The following AMOTL1 variants were observed in gnomAD, a reference collection of about 807,000 sequenced individuals.
The protein encoded by AMOTL1 is angiomotin-like protein 1.
AMOTL1 carries 45 observed loss-of-function variants against 102.9 expected under a neutral mutation model. That is an observed-to-expected ratio of 0.44 (90% CI 0.34 to 0.56). The LOEUF (loss-of-function observed/expected upper bound fraction) is 0.56, where lower values mean the gene tolerates loss of function less well. AMOTL1 is among the 20% of genes least tolerant of loss of function. The pLI is 0.01. For missense variants in AMOTL1, 1,114 were observed against 1,225.6 expected, an observed-to-expected ratio of 0.91 and a Z score of 1.36; for synonymous variants, 481 against 484.7, an observed-to-expected ratio of 0.99 and a Z score of 0.10.
intron 3 of AMOTL1, among the ~76,000 whole-genome samples, chr11:94,818,428 G>A (rs1012473122): frequency 6.6e-6 from 1 of 152,186 alleles, no homozygotes; most frequent in Admixed American, 6.5e-5. Context: ...AGTCTAATCT[G>A]AGTTTCCTTG....
At chr11:94,754,832 A>G (rs901117570) in intron 3 of AMOTL1, among the ~76,000 whole-genome samples, 1 of 152,226 alleles carries the variant, frequency 6.6e-6, no homozygotes, top group Non-Finnish European at 1.5e-5. Context: ...TAGTATAAGT[A>G]TGTCCACTAC....
intron 11 of AMOTL1, chr11:94,866,685 C>T (rs1181601494): frequency 1.8e-5 from 3 of 164,720 alleles, no homozygotes; most frequent in African/African-American, 7.4e-5. Context: ...AGAGTGTCTG[C>T]CTGCTTTACC....
At position 94,821,721 on chromosome 11, in the gene AMOTL1, T is replaced by C; in HGVS notation, c.1313T>C (p.Val438Ala). The change falls in exon 4 of 13, where the codon GTG becomes GCG. Residue 438 changes from valine (V) to alanine (A), a missense_variant. Physicochemically the swap from Val to Ala is moderately conservative, Grantham distance 64. Transcript: ENST00000433060. ...QQLGPDAFAIVERAQQMVEIL... is the reference protein window; with the variant it reads ...QQLGPDAFAIAERAQQMVEIL... ...CTTGGTCCAGATGCCTTTGCGATTG[T>C]GGAGCGAGCCCAGCAAATGGTGGAG... 1 of 1,614,026 alleles carries C rather than the reference T, an allele frequency of 6.2e-7. No homozygotes were observed. The highest frequency in any genetic ancestry group is 8.5e-7 in the Non-Finnish European group (1 of 1,179,892).
At chr11:94,837,334 AG>A (rs1156645368) in intron 6 of AMOTL1, among the ~76,000 whole-genome samples, 1 of 152,242 alleles carries the variant, frequency 6.6e-6, no homozygotes, top group African/African-American at 2.4e-5. Flanking sequence ...AACCAGTGAC[AG>A]GAAATGTGAA....
chr11:94,744,915 C>A (rs1950572602), intron 3 of AMOTL1, among the ~76,000 whole-genome samples: 1 of 152,066 alleles, frequency 6.6e-6, no homozygotes, highest in African/African-American at 2.4e-5. Flanking sequence ...AAAGATGACA[C>A]CTTAGCATTG....
At chr11:94,843,458 A>G (rs1363943848) in intron 6 of AMOTL1, among the ~76,000 whole-genome samples, 20 of 152,218 alleles carry the variant, frequency 1.3e-4, no homozygotes, top group Non-Finnish European at 2.9e-4. Flanking sequence ...TGTAGACAGT[A>G]AAGTAAATGA....
At chr11:94,840,525 C>T (rs72973820) in intron 6 of AMOTL1, among the ~76,000 whole-genome samples, 35,407 of 151,638 alleles carry the variant, frequency 0.23, 4,710 homozygotes, top group Admixed American at 0.42. Flanking sequence ...CACATTTCTT[C>T]ATCCCTGATC....
At chr11:94,731,076 A>C (rs1194171415) in intron 2 of AMOTL1, among the ~76,000 whole-genome samples, 1 of 152,178 alleles carries the variant, frequency 6.6e-6, no homozygotes, top group Non-Finnish European at 1.5e-5. Context: ...TCTATCTGCA[A>C]TCTTTGGGGC....
intron 4 of AMOTL1, 125 bp from the exon 5 acceptor site, chr11:94,829,925 C>T: frequency 1.1e-6 from 1 of 941,892 alleles, no homozygotes; most frequent in Non-Finnish European, 1.5e-6. Context: ...ACACATGAAA[C>T]TTGAGATGCA....
rs193121510 is a variant in AMOTL1, at chr11:94,777,485, C to T, written c.49+8925C>T. Among the ~76,000 whole-genome samples, 10 of 152,220 alleles carry T rather than the reference C, an allele frequency of 6.6e-5. 1 individual carries two copies. The highest frequency in any genetic ancestry group is 5.9e-4 in the Admixed American group (9 of 15,290). ...CCCAAATTCTAACATTTCTTACTTTCAAATTTCTCCAAAATAAATTCCAGG... is the reference window on the plus strand; with the variant it reads ...CCCAAATTCTAACATTTCTTACTTTTAAATTTCTCCAAAATAAATTCCAGG... On this transcript the variant is annotated intron_variant, in intron 1 of 12. Coordinates refer to ENST00000433060, the MANE Select transcript of AMOTL1 (RefSeq NM_130847.3).
chr11:94,864,329 A>G (rs757988786), intron 9 of AMOTL1, among the ~76,000 whole-genome samples: 1 of 152,212 alleles, frequency 6.6e-6, no homozygotes, highest in Non-Finnish European at 1.5e-5. Context: ...TTACATATTC[A>G]TAACATGCCA....
At chr11:94,727,758 A>G in intron 1 of AMOTL1, among the ~76,000 whole-genome samples, 1 of 152,132 alleles carries the variant, frequency 6.6e-6, no homozygotes, top group Non-Finnish European at 1.5e-5. Flanking sequence ...TCCCTTCCAA[A>G]ATTTTTGGGT....
intron 1 of AMOTL1, among the ~76,000 whole-genome samples, chr11:94,794,772 G>T (rs1951336123): frequency 6.6e-6 from 1 of 152,192 alleles, no homozygotes. Flanking sequence ...TAGAGCATTT[G>T]CGCCTTCACT....
chr11:94,834,829 G>A (rs1195772351), intron 6 of AMOTL1, among the ~76,000 whole-genome samples: 1 of 152,148 alleles, frequency 6.6e-6, no homozygotes, highest in East Asian at 1.9e-4. Context: ...CCAGTTAATG[G>A]AGGGAGGAGC....
At chr11:94,811,910 C>T (rs1783064898) in intron 3 of AMOTL1, among the ~76,000 whole-genome samples, 1 of 152,186 alleles carries the variant, frequency 6.6e-6, no homozygotes. Flanking sequence ...AACTTGCCTT[C>T]CCTGTTGGAA....
chr11:94,733,524 A>G (rs2135463698), intron 2 of AMOTL1, among the ~76,000 whole-genome samples: 1 of 152,308 alleles, frequency 6.6e-6, no homozygotes, highest in Non-Finnish European at 1.5e-5. Flanking sequence ...TCTTGGGAAA[A>G]CCACTTTTCT....
chr11:94,726,380 A>G (rs761908720), intron 1 of AMOTL1, among the ~76,000 whole-genome samples: 1 of 152,184 alleles, frequency 6.6e-6, no homozygotes, highest in Non-Finnish European at 1.5e-5. Flanking sequence ...ATCAACCAAT[A>G]TTTATGAAGT....
Position 94,795,043 on chromosome 11 carries a change from C to T in AMOTL1, c.82C>T (p.Pro28Ser). The T allele has an allele frequency of 1.2e-6, 2 of 1,613,648 alleles. No homozygotes were observed. The highest frequency in any genetic ancestry group is 1.7e-6 in the Non-Finnish European group (2 of 1,179,798). ...TTCTGCTTGTTATAGCCCCAGTAGT[C>T]CTGTCCAGGTTCTAGAAGACTCCAC... is the stretch of plus-strand genomic sequence containing the variant. ...SPSACYSPSS[P>S]VQVLEDSTYF... Residue 28 changes from proline to serine, a missense_variant, in exon 2 of 13, where the codon CCT becomes TCT. Transcript: ENST00000433060.
intron 4 of AMOTL1, among the ~76,000 whole-genome samples, chr11:94,827,038 G>T (rs1951980527): frequency 1.3e-5 from 2 of 152,274 alleles, no homozygotes; most frequent in South Asian, 4.2e-4. Flanking sequence ...AAGAATGCAT[G>T]ATTCAGTGTC....
Sources: allele counts gnomAD v4.1 joint callset (sites outside exome capture counted in the v4.1 genomes callset), GRCh38; gene constraint gnomAD v4.1.1; transcripts MANE v1.5; gene names NCBI Gene and HGNC (gene_info 2026-07-23, HGNC 2026-07-21).